Variants in NCAM2 observed in about 807,000 individuals in gnomAD.
NCAM2 encodes neural cell adhesion molecule 2.
Under a neutral mutation model 98.1 loss-of-function variants are expected in NCAM2, and 30 were observed. The observed-to-expected ratio is 0.31, with a 90% CI of 0.23 to 0.41. NCAM2 has a LOEUF of 0.41. Ranked by LOEUF, NCAM2 falls within the 10% of genes least tolerant of loss-of-function variation. The pLI is 1.00. For missense variants in NCAM2, 867 were observed against 1,005.8 expected (o/e 0.86, Z 1.87); for synonymous variants, 368 against 342.4 (o/e 1.07, Z -0.83).
At chr21:21,527,572 C>G (rs1585396) in intron 16 of NCAM2, among the ~76,000 whole-genome samples, 50,004 of 151,800 alleles carry the variant, frequency 0.33, 9,084 homozygotes, top group African/African-American at 0.47. Flanking sequence ...AATTAAAGAA[C>G]ATATACAAAT....
Position 21,418,579 on chromosome 21 carries a change from G to A in NCAM2, c.1480+10G>A, listed in dbSNP as rs749596964. 1.9e-6 allele frequency: 3 copies of A among 1,563,430 alleles called. No individual in the cohort carries two copies. Among genetic ancestry groups the A allele is most frequent in the Non-Finnish European group, 2.6e-6 (3 of 1,135,076 alleles). On this transcript the variant is annotated intron_variant, in intron 11 of 17. Transcript: ENST00000400546. ...ATTCTTGCTTTGGCTGGTAAGTATA[G>A]CACAATAATTTTTGAGATCGCACAC... is the stretch of plus-strand genomic sequence containing the variant.
At chr21:21,042,576 C>CT (rs2064928254) in intron 1 of NCAM2, among the ~76,000 whole-genome samples, 1 of 152,114 alleles carries the variant, frequency 6.6e-6, no homozygotes, top group South Asian at 2.1e-4. Context: ...AGGGATTTTT[C>CT]TTTTCAGATA....
At chr21:21,348,971 C>T (rs1350724565) in intron 8 of NCAM2, among the ~76,000 whole-genome samples, 2 of 152,066 alleles carry the variant, frequency 1.3e-5, no homozygotes, top group African/African-American at 4.8e-5. Context: ...AAGACCTCAA[C>T]TTATGAATCT....
chr21:21,247,305 C>G (rs1190478880), intron 1 of NCAM2, among the ~76,000 whole-genome samples: 1 of 152,100 alleles, frequency 6.6e-6, no homozygotes, highest in Non-Finnish European at 1.5e-5. Flanking sequence ...GGCGACAGAG[C>G]AAGACTCCGT....
chr21:21,337,272 A>G (rs1354377205), intron 7 of NCAM2, among the ~76,000 whole-genome samples: 2 of 151,862 alleles, frequency 1.3e-5, no homozygotes, highest in Non-Finnish European at 2.9e-5. Context: ...TGATATTTTC[A>G]TCCTTTCAAG....
At position 21,078,987 on chromosome 21, in the gene NCAM2, A is replaced by G. The variant is rs1440972260; in HGVS notation, c.55+80369A>G. On this transcript the variant is annotated intron_variant, in intron 1 of 17. Transcript: ENST00000400546. Reference sequence around the variant, plus strand: ...ACTCATAAGTGGGAGTTGAACAGTGAGACCATATGGAAACAGAGAGGGGAA... The same window carrying G: ...ACTCATAAGTGGGAGTTGAACAGTGGGACCATATGGAAACAGAGAGGGGAA... 2.6e-5 allele frequency among the ~76,000 whole-genome samples: 4 copies of G among 152,298 alleles called. No homozygotes were observed. In the East Asian group the frequency reaches 7.7e-4, roughly 29 times the overall value.
At chr21:21,505,700 A>C (rs1987937247) in intron 15 of NCAM2, among the ~76,000 whole-genome samples, 1 of 152,070 alleles carries the variant, frequency 6.6e-6, no homozygotes, top group Non-Finnish European at 1.5e-5. Context: ...AGAATAGTTT[A>C]ATGTTTAACA....
intron 1 of NCAM2, among the ~76,000 whole-genome samples, chr21:21,057,964 A>C (rs2065246788): frequency 6.6e-6 from 1 of 152,036 alleles, no homozygotes; most frequent in African/African-American, 2.4e-5. Context: ...GCATGATATG[A>C]TGATGTCTCC....
chr21:21,449,979 TTTTA>T (rs1231672050), intron 12 of NCAM2, among the ~76,000 whole-genome samples: 17 of 152,262 alleles, frequency 1.1e-4, no homozygotes, highest in African/African-American at 4.1e-4. Flanking sequence ...TTCATCTTTC[TTTTA>T]ATCTTTTAAA....
At chr21:21,408,218 G>A (rs774686481) in intron 9 of NCAM2, among the ~76,000 whole-genome samples, 46 of 152,136 alleles carry the variant, frequency 3.0e-4, no homozygotes, top group Non-Finnish European at 2.8e-4. Context: ...AGTGTGGAAA[G>A]GCTGTGTTTA....
chr21:21,267,702 G>C (rs984516525), intron 1 of NCAM2, among the ~76,000 whole-genome samples: 1 of 152,124 alleles, frequency 6.6e-6, no homozygotes. Context: ...AGCTCCTCTA[G>C]AGTTAAGAGG....
chr21:21,053,810 C>CT (rs1224505634), intron 1 of NCAM2, among the ~76,000 whole-genome samples: 2 of 151,188 alleles, frequency 1.3e-5, no homozygotes, highest in Admixed American at 6.6e-5. Flanking sequence ...TATTGTTGTT[C>CT]TTTTTCTACT....
chr21:21,538,742 C>A lies in NCAM2; in HGVS notation c.*785C>A, dbSNP rs1306675720. 6.6e-6 allele frequency: 1 copy of A among 151,976 alleles called. No individual in the cohort carries two copies. The highest frequency in any genetic ancestry group is 1.5e-5 in the Non-Finnish European group (1 of 67,978). 9.4% of individuals were successfully genotyped at this position (151,976 alleles called of 1,614,324 possible). ...AAATAATATTGATTTCTGCCCTCAG[C>A]TTCAAATAAAGTAAATTGAAATGGG... On this transcript the variant is annotated 3_prime_UTR_variant, in exon 18 of 18. Coordinates refer to ENST00000400546, the MANE Select transcript of NCAM2 (RefSeq NM_004540.5).
chr21:21,074,044 A>G (rs1387086351), intron 1 of NCAM2, among the ~76,000 whole-genome samples: 1 of 152,132 alleles, frequency 6.6e-6, no homozygotes, highest in African/African-American at 2.4e-5. Flanking sequence ...CTAATATTAT[A>G]TTGTTTTTAT....
intron 1 of NCAM2, among the ~76,000 whole-genome samples, chr21:21,192,363 T>G (rs1456168277): frequency 6.6e-5 from 10 of 152,112 alleles, no homozygotes; most frequent in African/African-American, 2.4e-4. Flanking sequence ...GGAAACTGTT[T>G]CAAAAGAAGG....
chr21:21,476,606 T>G (rs1985197465), intron 14 of NCAM2, among the ~76,000 whole-genome samples: 1 of 152,082 alleles, frequency 6.6e-6, no homozygotes, highest in Non-Finnish European at 1.5e-5. Context: ...TGGTAATTTT[T>G]TCAAATAAAG....
At chr21:21,210,655 C>T (rs747479347) in intron 1 of NCAM2, 3 of 1,281,066 alleles carry the variant, frequency 2.3e-6, no homozygotes, top group Non-Finnish European at 3.0e-6. Context: ...AGCACTTTAT[C>T]TTGAAGAAGG....
intron 5 of NCAM2, among the ~76,000 whole-genome samples, chr21:21,292,747 A>G (rs1453026356): frequency 6.6e-6 from 1 of 151,938 alleles, no homozygotes; most frequent in Non-Finnish European, 1.5e-5. Flanking sequence ...CTGTGTTAAC[A>G]TGATATTCTA....
In NCAM2 at chr21:21,280,565, A is replaced by T; in HGVS notation, c.56-13A>T. 6.4e-7 allele frequency: 1 copy of T among 1,573,310 alleles called. No homozygotes were observed. On this transcript the variant is annotated splice_polypyrimidine_tract_variant and intron_variant, in intron 1 of 17. Coordinates refer to ENST00000400546, the MANE Select transcript of NCAM2 (RefSeq NM_004540.5). ...TAAAAATCACCATTAATTGTTTCCC[A>T]ATTTTTTTTCAGCTCTTCTTCAAGT... is the stretch of plus-strand genomic sequence containing the variant.
Sources: allele counts gnomAD v4.1 joint callset (sites outside exome capture counted in the v4.1 genomes callset), GRCh38; gene constraint gnomAD v4.1.1; transcripts MANE v1.5; gene names NCBI Gene and HGNC (gene_info 2026-07-23, HGNC 2026-07-21).